The following CTNNA2 variants were observed in gnomAD, a reference collection of about 807,000 sequenced individuals.
CTNNA2 encodes catenin alpha 2, also known as catenin alpha-2.
A neutral mutation model predicts 101.0 loss-of-function variants in CTNNA2; 42 were observed. The ratio of observed to expected loss-of-function variants is 0.42; its 90% CI spans 0.32 to 0.54. The LOEUF (loss-of-function observed/expected upper bound fraction) is 0.54, where lower values mean the gene tolerates loss of function less well. Ranked by LOEUF, CTNNA2 falls within the 20% of genes least tolerant of loss-of-function variation. The pLI, the probability that CTNNA2 is intolerant of heterozygous loss-of-function variation, is 0.14. For missense variants in CTNNA2, 871 were observed against 1,223.1 expected, an observed-to-expected ratio of 0.71 and a Z score of 4.29; for synonymous variants, 450 against 456.4, an observed-to-expected ratio of 0.99 and a Z score of 0.18.
chr2:79,432,456 T>G (rs916372219), intron 4 of CTNNA2, among the ~76,000 whole-genome samples: 6 of 152,188 alleles, frequency 3.9e-5, no homozygotes, highest in Non-Finnish European at 7.3e-5. Flanking sequence ...TTATCTAGAT[T>G]TATGTTATTC....
intron 4 of CTNNA2, among the ~76,000 whole-genome samples, chr2:79,489,343 T>C (rs1258250813): frequency 6.6e-6 from 1 of 152,180 alleles, no homozygotes; most frequent in African/African-American, 2.4e-5. Flanking sequence ...GGTCTTAAAA[T>C]GGGATTATAG....
rs1269382659 is a variant in CTNNA2 at position 79,818,843 on chromosome 2, ATATATG to A, written c.299-39169_299-39164del. 1.8e-4 allele frequency among the ~76,000 whole-genome samples: 25 copies of A among 136,370 alleles called. No individual in the cohort carries two copies. In the South Asian group the frequency reaches 2.3e-3, roughly 13 times the overall value. 89.5% of individuals were successfully genotyped at this position (136,370 alleles called of 152,430 possible). On this transcript the variant is annotated intron_variant, in intron 3 of 18. Transcript: ENST00000402739. ...CAATTATATATATATATATATATAT[ATATATG>A]GATGTATGTGTATCATATTAAGTAA...
At chr2:79,959,026 G>A (rs565573974) in intron 7 of CTNNA2, among the ~76,000 whole-genome samples, 10 of 151,664 alleles carry the variant, frequency 6.6e-5, no homozygotes, top group South Asian at 6.3e-4. Context: ...ATTTGTAACC[G>A]TATCTTACTC....
intron 3 of CTNNA2, among the ~76,000 whole-genome samples, chr2:79,821,952 A>T (rs1420704357): frequency 4.6e-5 from 7 of 152,232 alleles, no homozygotes; most frequent in Non-Finnish European, 1.0e-4. Flanking sequence ...GGTTAACAAA[A>T]TCCTTGAAGT....
At position 79,222,065 on chromosome 2, in the gene CTNNA2, C is replaced by T. The variant is rs190787003; in HGVS notation, c.-406+23989C>T. The stretch of plus-strand genomic sequence containing the variant: ...AAGAGATGGAAATGGTGCCCCATTC[C>T]AGGAGAGAGTTCTCAGAACTGGCTG... On this transcript the variant is annotated intron_variant, in intron 2 of 21. Transcript: ENST00000466387. Among the ~76,000 whole-genome samples, 16 of 152,214 alleles carry T rather than the reference C, an allele frequency of 1.1e-4. 1 individual carries two copies. The highest frequency in any genetic ancestry group is 3.9e-4 in the African/African-American group (16 of 41,542).
intron 7 of CTNNA2, among the ~76,000 whole-genome samples, chr2:80,325,029 C>G (rs1483860660): frequency 1.3e-5 from 2 of 152,060 alleles, no homozygotes; most frequent in Non-Finnish European, 1.5e-5. Flanking sequence ...TCTCTCTTCC[C>G]CACTAAAATA....
intron 9 of CTNNA2, among the ~76,000 whole-genome samples, chr2:80,526,632 C>G (rs996092423): frequency 1.3e-5 from 2 of 151,990 alleles, no homozygotes; most frequent in African/African-American, 4.8e-5. Flanking sequence ...TGTGCCGGGC[C>G]TCTCTGTGCC....
At chr2:79,404,688 G>A (rs1678323737) in intron 4 of CTNNA2, among the ~76,000 whole-genome samples, 1 of 152,030 alleles carries the variant, frequency 6.6e-6, no homozygotes, top group East Asian at 1.9e-4. Flanking sequence ...AGCAGCTGTG[G>A]AACACCTCAC....
At chr2:79,644,474 G>A (rs527506023) in intron 1 of CTNNA2, among the ~76,000 whole-genome samples, 51 of 152,306 alleles carry the variant, frequency 3.3e-4, no homozygotes, top group African/African-American at 1.2e-3. Context: ...TGTAATGTAA[G>A]ATATTTACAA....
intron 3 of CTNNA2, among the ~76,000 whole-genome samples, chr2:79,769,147 G>C (rs185129048): frequency 6.6e-6 from 1 of 152,024 alleles, no homozygotes; most frequent in African/African-American, 2.4e-5. Context: ...GAGCCACTGT[G>C]CTCGGCCTGT....
At position 79,909,721 on chromosome 2, in the gene CTNNA2, G is replaced by C; in HGVS notation, c.980G>C (p.Arg327Pro). 1.9e-6 allele frequency: 3 copies of C among 1,613,910 alleles called. No homozygotes were observed. Among genetic ancestry groups the C allele is most frequent in the Non-Finnish European group, 2.5e-6 (3 of 1,179,882 alleles). ...MADSSCTRDDRRERIVAECNA... is the reference protein window; with the variant it reads ...MADSSCTRDDPRERIVAECNA... The stretch of plus-strand genomic sequence containing the variant: ...GACTCCTCCTGCACGCGAGACGACC[G>C]GCGCGAGAGGATCGTGGCGGAGTGC... The change falls in exon 7 of 19, where the codon CGG becomes CCG. Residue 327 changes from arginine (R) to proline (P), a missense_variant. Arg to Pro is a moderately radical substitution (Grantham distance 103). This residue lies in a region of CTNNA2 where 647 missense variants were observed against 831.5 expected (regional missense o/e 0.78). Transcript: ENST00000402739.
chr2:79,652,775 C>T (rs900755323), intron 2 of CTNNA2, among the ~76,000 whole-genome samples: 30 of 152,076 alleles, frequency 2.0e-4, no homozygotes, highest in African/African-American at 6.8e-4. Context: ...CCTCTGGCTC[C>T]CCAAAGATTC....
intron 2 of CTNNA2, among the ~76,000 whole-genome samples, chr2:79,733,109 A>G (rs565998643): frequency 2.0e-3 from 299 of 152,242 alleles, no homozygotes; most frequent in Non-Finnish European, 3.8e-3. Flanking sequence ...TCCACTAACA[A>G]TTACAAATAT....
intron 3 of CTNNA2, among the ~76,000 whole-genome samples, chr2:79,321,115 T>C (rs1022246937): frequency 6.6e-5 from 10 of 152,200 alleles, no homozygotes; most frequent in Non-Finnish European, 1.2e-4. Context: ...CCAGAAACCA[T>C]CTTAAAGGGT....
intron 6 of CTNNA2, among the ~76,000 whole-genome samples, chr2:79,882,648 T>C (rs1323979954): frequency 3.3e-5 from 5 of 152,236 alleles, no homozygotes; most frequent in African/African-American, 9.6e-5. Context: ...TAGGCAGTTG[T>C]ACCTCCCAGG....
rs538723597 is a variant in CTNNA2, at chr2:79,694,472, CTTCT to C, written c.102+42817_102+42820del. Among the ~76,000 whole-genome samples, 40 of 151,792 alleles carry C rather than the reference CTTCT, an allele frequency of 2.6e-4. No individual in the cohort carries two copies. In the East Asian group the frequency reaches 7.4e-3, roughly 28 times the overall value. ...GATTCAGAGCAAGGAATGCTATGCA[CTTCT>C]TTGTCAACTATTTGAGCTTAACTCT... On this transcript the variant is annotated intron_variant, in intron 2 of 18. Transcript: ENST00000402739.
intron 4 of CTNNA2, among the ~76,000 whole-genome samples, chr2:79,399,545 C>T (rs1678268310): frequency 1.3e-5 from 2 of 152,172 alleles, no homozygotes; most frequent in South Asian, 4.1e-4. Context: ...ATAGACCACA[C>T]ACAACAAAGA....
chr2:79,283,633 C>A (rs1295841432), intron 2 of CTNNA2, among the ~76,000 whole-genome samples: 6 of 132,970 alleles, frequency 4.5e-5, no homozygotes, highest in African/African-American at 1.6e-4. Context: ...TGTTTTGGTA[C>A]CAGTACCATG....
intron 2 of CTNNA2, among the ~76,000 whole-genome samples, chr2:79,203,028 A>G (rs943093359): frequency 1.3e-5 from 2 of 152,194 alleles, no homozygotes; most frequent in African/African-American, 4.8e-5. Context: ...TTGACAGCTT[A>G]TCTTTCTTCC....
Sources: allele counts gnomAD v4.1 joint callset (sites outside exome capture counted in the v4.1 genomes callset), GRCh38; gene constraint gnomAD v4.1.1; regional missense constraint gnomAD v4.1.1; transcripts MANE v1.5; gene names NCBI Gene and HGNC (gene_info 2026-07-23, HGNC 2026-07-21).